Variants in SLC4A5 observed in about 807,000 individuals in gnomAD.
SLC4A5 encodes the protein solute carrier family 4 member 5.
Under a neutral mutation model 120.4 loss-of-function variants are expected in SLC4A5, and 96 were observed. The ratio of observed to expected loss-of-function variants is 0.80; its 90% CI spans 0.68 to 0.94. SLC4A5 has a LOEUF of 0.94. Ranked by LOEUF, SLC4A5 falls within the 40% of genes least tolerant of loss-of-function variation. SLC4A5 has a pLI of 0.00. For synonymous variants in SLC4A5, 550 were observed against 571.1 expected, an observed-to-expected ratio of 0.96 and a Z score of 0.53; for missense variants, 1,259 against 1,459.5, an observed-to-expected ratio of 0.86 and a Z score of 2.24.
chr2:74,300,243 A>G (rs1672438420), intron 7 of SLC4A5, among the ~76,000 whole-genome samples: 1 of 152,216 alleles, frequency 6.6e-6, no homozygotes, highest in Admixed American at 6.5e-5. Context: ...AAAGATAAAA[A>G]TATTCCAGGG....
chr2:74,263,145 TC>T (rs1671195721), intron 10 of SLC4A5, among the ~76,000 whole-genome samples: 1 of 152,210 alleles, frequency 6.6e-6, no homozygotes, highest in Non-Finnish European at 1.5e-5. Flanking sequence ...GTTCAAGCGA[TC>T]CTCCCATCTC....
At chr2:74,306,683 A>AT in intron 6 of SLC4A5, 1 of 834,820 alleles carries the variant, frequency 1.2e-6, no homozygotes, top group Admixed American at 2.8e-5. Context: ...TGAACTTTTT[A>AT]TTGGCCTCCT....
intron 14 of SLC4A5, 21 bp downstream of exon 14, chr2:74,254,598 A>G (rs778319450): frequency 1.9e-6 from 3 of 1,601,302 alleles, no homozygotes; most frequent in East Asian, 4.5e-5. Flanking sequence ...TCAGGAGTAC[A>G]AGCTTCTGGT....
chr2:74,221,600 T>C (rs745884173), intron 29 of SLC4A5, 99 bp from the exon 30 acceptor site: 61 of 1,193,142 alleles, frequency 5.1e-5, no homozygotes, highest in Non-Finnish European at 6.7e-5. Context: ...TCTCTAACCC[T>C]AGAGCCAACA....
intron 8 of SLC4A5, among the ~76,000 whole-genome samples, chr2:74,272,615 C>A (rs1467913941): frequency 6.6e-6 from 1 of 152,208 alleles, no homozygotes; most frequent in Non-Finnish European, 1.5e-5. Context: ...CCCAACTCTG[C>A]ATGCCAGGGT....
chr2:74,245,541 C>G (rs1670584959), intron 19 of SLC4A5, among the ~76,000 whole-genome samples: 1 of 152,130 alleles, frequency 6.6e-6, no homozygotes, highest in South Asian at 2.1e-4. Flanking sequence ...CAGGTAGGAT[C>G]CCCTCTGGGC....
At chr2:74,232,873 C>A (rs1359727029) in intron 23 of SLC4A5, among the ~76,000 whole-genome samples, 1 of 152,156 alleles carries the variant, frequency 6.6e-6, no homozygotes, top group Non-Finnish European at 1.5e-5. Flanking sequence ...GATGTTCAAG[C>A]TTGGAGAGGC....
At chr2:74,283,395 C>A (rs1342597048) in intron 8 of SLC4A5, among the ~76,000 whole-genome samples, 4 of 152,202 alleles carry the variant, frequency 2.6e-5, no homozygotes, top group Non-Finnish European at 5.9e-5. Context: ...AGAACGGCAT[C>A]ATAGGAAGAG....
At chr2:74,318,436 G>A (rs1673018514) in intron 5 of SLC4A5, among the ~76,000 whole-genome samples, 1 of 152,198 alleles carries the variant, frequency 6.6e-6, no homozygotes, top group South Asian at 2.1e-4. Flanking sequence ...TGTAATCCCA[G>A]CACTTTGGGA....
chr2:74,231,185 C>T lies in SLC4A5; in HGVS notation c.2847+51G>A, dbSNP rs199706244. On this transcript the variant is annotated intron_variant, in intron 25 of 30. Coordinates refer to ENST00000394019, the Ensembl canonical transcript of SLC4A5. ...GGACCCCCTCCCTGCCTAAGGCATCCGCTCTGCTTTCTCAGGCAACGAGGC... is the reference window on the plus strand; with the variant it reads ...GGACCCCCTCCCTGCCTAAGGCATCTGCTCTGCTTTCTCAGGCAACGAGGC... 5.4e-4 allele frequency: 844 copies of T among 1,549,912 alleles called. 21 individuals are homozygous for T. The South Asian group carries it at 8.3e-3, about 15-fold the overall frequency.
At chr2:74,337,923 T>C (rs1353009496) in intron 3 of SLC4A5, among the ~76,000 whole-genome samples, 2 of 152,124 alleles carry the variant, frequency 1.3e-5, no homozygotes, top group South Asian at 2.1e-4. Context: ...GACTCTGAAC[T>C]AGGTATCGTG....
chr2:74,306,302 A>G (rs1187319082), intron 6 of SLC4A5, among the ~76,000 whole-genome samples: 1 of 152,218 alleles, frequency 6.6e-6, no homozygotes, highest in African/African-American at 2.4e-5. Flanking sequence ...CTGGCCAGAG[A>G]GATGTTAGCC....
chr2:74,230,576 C>G (rs1670043111), intron 25 of SLC4A5, among the ~76,000 whole-genome samples: 1 of 152,116 alleles, frequency 6.6e-6, no homozygotes, highest in African/African-American at 2.4e-5. Context: ...GAGCCCCAAA[C>G]CCTGGCAATG....
At chr2:74,289,571 C>G (rs1247239118) in intron 7 of SLC4A5, among the ~76,000 whole-genome samples, 1 of 152,180 alleles carries the variant, frequency 6.6e-6, no homozygotes, top group Non-Finnish European at 1.5e-5. Context: ...CCTGCTTCAG[C>G]CTCCTAAAGT....
intron 7 of SLC4A5, among the ~76,000 whole-genome samples, chr2:74,286,126 G>T (rs1317870823): frequency 6.6e-6 from 1 of 152,240 alleles, no homozygotes; most frequent in Non-Finnish European, 1.5e-5. Flanking sequence ...TCTGCATTCA[G>T]ATCCAGGGTC....
At chr2:74,290,732 G>A (rs375660785) in intron 7 of SLC4A5, 2 of 985,812 alleles carry the variant, frequency 2.0e-6, no homozygotes, top group Non-Finnish European at 1.2e-6. Context: ...AGTGGCTGCA[G>A]CAGAACCTCA....
intron 7 of SLC4A5, chr2:74,290,847 A>G (rs1470793855): frequency 3.8e-6 from 3 of 788,672 alleles, no homozygotes; most frequent in Non-Finnish European, 4.6e-6. Context: ...AGTGCTTCCT[A>G]TGTGCCTGTG....
chr2:74,219,340 G>A (rs1490055484), intron 30 of SLC4A5, among the ~76,000 whole-genome samples: 2 of 151,972 alleles, frequency 1.3e-5, no homozygotes, highest in African/African-American at 4.8e-5. Context: ...TTCTCAAAAC[G>A]AGGCTACTCC....
intron 28 of SLC4A5, among the ~76,000 whole-genome samples, chr2:74,223,627 C>T (rs960987521): frequency 2.6e-5 from 4 of 152,190 alleles, no homozygotes; most frequent in Admixed American, 6.5e-5. Context: ...TATCATAATT[C>T]AGAGATTCTT....
Sources: allele counts gnomAD v4.1 joint callset (sites outside exome capture counted in the v4.1 genomes callset), GRCh38; gene constraint gnomAD v4.1.1; transcripts MANE v1.5; gene names NCBI Gene and HGNC (gene_info 2026-07-23, HGNC 2026-07-21).